The following PIGK variants were observed in gnomAD, a reference collection of about 807,000 sequenced individuals.
PIGK encodes the protein GPI-anchor transamidase.
In PIGK, 42 loss-of-function variants were observed where a neutral mutation model predicts 50.6. The ratio of observed to expected loss-of-function variants is 0.83; its 90% CI spans 0.65 to 1.07. The LOEUF (loss-of-function observed/expected upper bound fraction) is 1.07, where lower values mean the gene tolerates loss of function less well. Ranked by LOEUF, PIGK falls within the 50% of genes least tolerant of loss-of-function variation. PIGK has a pLI of 0.00. For missense variants in PIGK, 448 were observed against 488.7 expected (o/e 0.92, Z 0.78); for synonymous variants, 151 against 156.0 (o/e 0.97, Z 0.24).
intron 8 of PIGK, among the ~76,000 whole-genome samples, chr1:77,158,849 AGC>A (rs1485357350): frequency 6.6e-6 from 1 of 152,196 alleles, no homozygotes; most frequent in Non-Finnish European, 1.5e-5. Flanking sequence ...TTAAAAGGGA[AGC>A]AGAGCATAAA....
chr1:77,134,783 C>T (rs1288171742), intron 9 of PIGK, among the ~76,000 whole-genome samples: 3 of 152,106 alleles, frequency 2.0e-5, no homozygotes, highest in Non-Finnish European at 4.4e-5. Context: ...TTATTCCATC[C>T]TGTTCAGAAG....
At chr1:77,163,760 C>G (rs181301117) in intron 6 of PIGK, 86 bp downstream of exon 6, 1 of 722,292 alleles carries the variant, frequency 1.4e-6, no homozygotes, top group African/African-American at 1.9e-5. Context: ...AGTTAAAAAT[C>G]TTAAAAAATA....
chr1:77,117,264 C>G (rs980609616), intron 10 of PIGK, among the ~76,000 whole-genome samples: 2 of 152,186 alleles, frequency 1.3e-5, no homozygotes, highest in Admixed American at 1.3e-4. Context: ...TGAATCATAT[C>G]TCAAGTAGCT....
Position 77,161,604 on chromosome 1 carries a change from T to A in PIGK, c.692A>T (p.Asp231Val). ...GGAAAATGCACATACCGAGAGTGAATCTTCTCCCACTTGACTACTAGCTAG... is the reference window on the plus strand; with the variant it reads ...GGAAAATGCACATACCGAGAGTGAAACTTCTCCCACTTGACTACTAGCTAG... ...MALASSQVGE[D>V]SLSHQPDPAI... Residue 231 changes from aspartate (D) to valine (V), a missense_variant, in exon 7 of 11, where the codon GAT (aspartate) becomes GTT (valine). Physicochemically the swap from Asp to Val is radical, Grantham distance 152. Transcript: ENST00000370812. 1.4e-6 allele frequency: 2 copies of A among 1,439,048 alleles called. No individual in the cohort carries two copies. The highest frequency in any genetic ancestry group is 2.0e-6 in the Non-Finnish European group (2 of 1,020,194). The allele number at this position is 1,439,048 out of a possible 1,614,324, so 89.1% of individuals were successfully genotyped here.
intron 9 of PIGK, among the ~76,000 whole-genome samples, chr1:77,125,514 A>G (rs1010518498): frequency 6.6e-6 from 1 of 152,144 alleles, no homozygotes; most frequent in Non-Finnish European, 1.5e-5. Context: ...ACACATGTCC[A>G]TTGCTTTCTT....
chr1:77,097,379 GAA>G (rs1370934533), intron 10 of PIGK, among the ~76,000 whole-genome samples: 1 of 152,146 alleles, frequency 6.6e-6, no homozygotes, highest in Non-Finnish European at 1.5e-5. Flanking sequence ...GTCTAGATCT[GAA>G]GTTTGGTTCC....
chr1:77,142,211 G>A (rs1448132625), intron 9 of PIGK, among the ~76,000 whole-genome samples: 1 of 152,100 alleles, frequency 6.6e-6, no homozygotes, highest in Non-Finnish European at 1.5e-5. Context: ...GTCAGAATGG[G>A]CTATAGATGG....
At chr1:77,208,347 T>C (rs1656339041) in intron 2 of PIGK, among the ~76,000 whole-genome samples, 1 of 152,178 alleles carries the variant, frequency 6.6e-6, no homozygotes, top group Non-Finnish European at 1.5e-5. Flanking sequence ...CTCAGTAATG[T>C]TTCTTTTTCA....
At chr1:77,138,790 G>A (rs1051755604) in intron 9 of PIGK, among the ~76,000 whole-genome samples, 3 of 152,056 alleles carry the variant, frequency 2.0e-5, no homozygotes, top group Non-Finnish European at 2.9e-5. Context: ...TTCCTAAATC[G>A]AATTTGAGTT....
At chr1:77,207,776 A>C (rs966434690) in intron 2 of PIGK, among the ~76,000 whole-genome samples, 1 of 152,250 alleles carries the variant, frequency 6.6e-6, no homozygotes, top group East Asian at 1.9e-4. Flanking sequence ...GTATAATGAC[A>C]ATTTTGAGAA....
At chr1:77,117,016 T>C (rs929126020) in intron 10 of PIGK, among the ~76,000 whole-genome samples, 4 of 152,228 alleles carry the variant, frequency 2.6e-5, no homozygotes, top group Non-Finnish European at 4.4e-5. Flanking sequence ...TCTTTTAGCA[T>C]GGTCAGACAC....
At chr1:77,217,212 T>C (rs1373898605) in intron 1 of PIGK, among the ~76,000 whole-genome samples, 1 of 152,156 alleles carries the variant, frequency 6.6e-6, no homozygotes, top group Non-Finnish European at 1.5e-5. Context: ...ACTATCTAAT[T>C]GGATAGATAT....
At chr1:77,171,767 G>T (rs909995614) in intron 3 of PIGK, among the ~76,000 whole-genome samples, 7 of 148,098 alleles carry the variant, frequency 4.7e-5, no homozygotes, top group Non-Finnish European at 7.4e-5. Context: ...CTAATTCACT[G>T]TTTCTAAAAC....
intron 9 of PIGK, among the ~76,000 whole-genome samples, chr1:77,122,834 T>C (rs935100203): frequency 6.6e-6 from 1 of 152,218 alleles, no homozygotes; most frequent in Non-Finnish European, 1.5e-5. Flanking sequence ...GTTATATCTG[T>C]TTGGACCAAC....
chr1:77,140,618 T>C (rs1237418600), intron 9 of PIGK, among the ~76,000 whole-genome samples: 1 of 152,200 alleles, frequency 6.6e-6, no homozygotes, highest in African/African-American at 2.4e-5. Flanking sequence ...TCATGTACTC[T>C]TTTATTACCA....
intron 3 of PIGK, among the ~76,000 whole-genome samples, chr1:77,188,213 G>A (rs1655796728): frequency 6.6e-6 from 1 of 152,160 alleles, no homozygotes; most frequent in Non-Finnish European, 1.5e-5. Context: ...GCAGAACAGA[G>A]CCATATTTCT....
chr1:77,115,541 T>C (rs947831593), intron 10 of PIGK, among the ~76,000 whole-genome samples: 1 of 152,046 alleles, frequency 6.6e-6, no homozygotes. Context: ...AGATCAGTCC[T>C]GCACAATGAA....
intron 10 of PIGK, among the ~76,000 whole-genome samples, chr1:77,108,401 A>C (rs186812920): frequency 1.2e-3 from 181 of 152,232 alleles, no homozygotes; most frequent in African/African-American, 4.1e-3. Flanking sequence ...TTTCTTTAAG[A>C]ATGTTGAATA....
chr1:77,096,699 T>A (rs1260304060), intron 10 of PIGK, among the ~76,000 whole-genome samples: 3 of 152,112 alleles, frequency 2.0e-5, no homozygotes, highest in Non-Finnish European at 2.9e-5. Context: ...ACTTGCAGAA[T>A]TGTGAGCTAA....
Sources: gnomAD v4.1 joint callset for allele counts (sites outside exome capture counted in the v4.1 genomes callset) on GRCh38, gnomAD v4.1.1 for gene constraint, MANE v1.5 for transcripts, NCBI Gene and HGNC (gene_info 2026-07-23, HGNC 2026-07-21) for gene names.